Variants in PDZRN4 observed in about 807,000 individuals in gnomAD.
PDZRN4 encodes the protein PDZ domain containing ring finger 4.
Under a neutral mutation model 99.0 loss-of-function variants are expected in PDZRN4, and 70 were observed. The observed-to-expected ratio is 0.71, with a 90% CI of 0.58 to 0.86. The LOEUF is 0.86. PDZRN4 is among the 40% of genes least tolerant of loss of function. PDZRN4 has a pLI of 0.00. For missense variants in PDZRN4, 1,474 were observed against 1,331.2 expected, an observed-to-expected ratio of 1.11 and a Z score of -1.67; for synonymous variants, 551 against 501.6, an observed-to-expected ratio of 1.10 and a Z score of -1.32.
chr12:41,414,449 A>G (rs1401329298), intron 3 of PDZRN4, among the ~76,000 whole-genome samples: 2 of 152,164 alleles, frequency 1.3e-5, no homozygotes, highest in African/African-American at 4.8e-5. Context: ...AAGAATGCCA[A>G]TAATTTGTAA....
rs1950713905 is a variant in PDZRN4 at position 41,188,881 on chromosome 12, CG to C, written c.431del (p.Gly144AlafsTer84). On this transcript the variant is annotated frameshift_variant, in exon 1 of 10. Coordinates refer to ENST00000402685, the MANE Select transcript of PDZRN4 (RefSeq NM_001164595.2). LOFTEE classifies it high-confidence loss of function. ...CGPTPRAGRG[G>X]GARGGPPGGR... is the part of the protein sequence containing the mutation. ...GTCCGACACCCAGGGCTGGCCGGGG[CG>C]GGGGCGCGCGCGGGGGGCCGCCGGG... The C allele has an allele frequency of 9.1e-7, 1 of 1,099,238 alleles. No individual in the cohort carries two copies. The highest frequency in any genetic ancestry group is 5.2e-5 in the Admixed American group (1 of 19,320). The allele number at this position is 1,099,238 out of a possible 1,614,324, so 68.1% of individuals were successfully genotyped here.
intron 3 of PDZRN4, among the ~76,000 whole-genome samples, chr12:41,488,903 G>C (rs1048587926): frequency 6.6e-6 from 1 of 152,122 alleles, no homozygotes; most frequent in African/African-American, 2.4e-5. Context: ...AGTAAATTGT[G>C]ACTCAAAGGA....
intron 3 of PDZRN4, among the ~76,000 whole-genome samples, chr12:41,418,591 T>C (rs1952463613): frequency 6.6e-6 from 1 of 152,230 alleles, no homozygotes; most frequent in African/African-American, 2.4e-5. Flanking sequence ...TTTGTCCTAT[T>C]TTAAATGGTT....
intron 3 of PDZRN4, among the ~76,000 whole-genome samples, chr12:41,309,209 G>A (rs374872139): frequency 1.3e-5 from 2 of 152,086 alleles, no homozygotes; most frequent in Non-Finnish European, 2.9e-5. Context: ...AAAAGTAACC[G>A]TCTCAGTCAG....
intron 1 of PDZRN4, among the ~76,000 whole-genome samples, chr12:41,190,399 A>G (rs569957276): frequency 6.6e-6 from 1 of 152,354 alleles, no homozygotes; most frequent in East Asian, 1.9e-4. Flanking sequence ...AAGCACAGAT[A>G]GAAGCTTTGT....
intron 5 of PDZRN4, among the ~76,000 whole-genome samples, chr12:41,541,076 C>A (rs1021098495): frequency 1.3e-5 from 2 of 152,020 alleles, no homozygotes; most frequent in Non-Finnish European, 2.9e-5. Flanking sequence ...AGGCACCCAC[C>A]ACCATGCCCA....
intron 3 of PDZRN4, among the ~76,000 whole-genome samples, chr12:41,448,039 C>A (rs1952744147): frequency 6.6e-6 from 1 of 152,118 alleles, no homozygotes; most frequent in South Asian, 2.1e-4. Context: ...ACAACTACTT[C>A]TTTCCCCATC....
chr12:41,219,367 C>A (rs990844021), intron 3 of PDZRN4, among the ~76,000 whole-genome samples: 78 of 152,072 alleles, frequency 5.1e-4, no homozygotes, highest in African/African-American at 1.7e-3. Context: ...ACTGCATAGT[C>A]TTAAACTTCA....
intron 3 of PDZRN4, among the ~76,000 whole-genome samples, chr12:41,376,154 G>A (rs1344581911): frequency 6.6e-6 from 1 of 151,936 alleles, no homozygotes; most frequent in African/African-American, 2.4e-5. Context: ...TTTTTAGTTT[G>A]TCTTGGCTAT....
intron 8 of PDZRN4, among the ~76,000 whole-genome samples, chr12:41,564,114 T>C (rs1939320373): frequency 6.6e-6 from 1 of 152,192 alleles, no homozygotes; most frequent in Admixed American, 6.6e-5. Flanking sequence ...TATGAAGATA[T>C]CTTGGAAGAA....
intron 3 of PDZRN4, chr12:41,438,021 C>G: frequency 6.2e-7 from 1 of 1,613,716 alleles, no homozygotes; most frequent in Non-Finnish European, 8.5e-7. Context: ...CAGGTGAGTG[C>G]AGGGTCTGAT....
At chr12:41,464,988 C>A (rs564125093) in intron 3 of PDZRN4, among the ~76,000 whole-genome samples, 17 of 152,124 alleles carry the variant, frequency 1.1e-4, no homozygotes, top group Non-Finnish European at 2.4e-4. Flanking sequence ...CCACGCCTGG[C>A]TAATTTTTGC....
intron 3 of PDZRN4, among the ~76,000 whole-genome samples, chr12:41,359,538 T>G (rs1592027117): frequency 6.6e-6 from 1 of 152,018 alleles, no homozygotes; most frequent in Non-Finnish European, 1.5e-5. Flanking sequence ...AATTCCCAAC[T>G]GTAATGGAAT....
intron 3 of PDZRN4, among the ~76,000 whole-genome samples, 189 bp from the exon 4 acceptor site, chr12:41,506,264 ATTG>A (rs1466931382): frequency 8.5e-5 from 13 of 152,268 alleles, no homozygotes; most frequent in East Asian, 7.7e-4. Context: ...TACAGAAGTA[ATTG>A]TTGTTGTAAT....
At chr12:41,410,170 A>G (rs1952385032) in intron 3 of PDZRN4, among the ~76,000 whole-genome samples, 1 of 152,200 alleles carries the variant, frequency 6.6e-6, no homozygotes, top group East Asian at 1.9e-4. Flanking sequence ...AAATGTGAAC[A>G]ATAGCATATA....
chr12:41,224,374 T>G (rs902315430), intron 3 of PDZRN4, among the ~76,000 whole-genome samples: 6 of 152,212 alleles, frequency 3.9e-5, no homozygotes, highest in African/African-American at 1.4e-4. Context: ...TGATACATAT[T>G]CATTACATTA....
chr12:41,458,841 G>C (rs1952843178), intron 3 of PDZRN4, among the ~76,000 whole-genome samples: 1 of 152,198 alleles, frequency 6.6e-6, no homozygotes, highest in Admixed American at 6.5e-5. Context: ...AGCCAGGCCA[G>C]AGCAGCACAG....
chr12:41,190,258 T>G (rs978083823), intron 1 of PDZRN4, among the ~76,000 whole-genome samples: 2 of 152,218 alleles, frequency 1.3e-5, no homozygotes, highest in Admixed American at 1.3e-4. Context: ...ACTAAAATGT[T>G]TCTACCTTGA....
intron 3 of PDZRN4, among the ~76,000 whole-genome samples, chr12:41,199,777 C>G (rs73117097): frequency 0.029 from 4,488 of 152,170 alleles, 185 homozygotes; most frequent in African/African-American, 0.089. Flanking sequence ...AAGTCAAATA[C>G]CACATATTCT....
Sources: gnomAD v4.1 joint callset for allele counts (sites outside exome capture counted in the v4.1 genomes callset) on GRCh38, gnomAD v4.1.1 for gene constraint, MANE v1.5 for transcripts, NCBI Gene and HGNC (gene_info 2026-07-23, HGNC 2026-07-21) for gene names.